CHD9: variants seen among roughly 807,000 people sequenced by gnomAD.
CHD9 encodes the protein chromodomain helicase DNA binding protein 9, also known as ATP-dependent chromatin remodeler CHD9.
In CHD9, 77 loss-of-function variants were observed where a neutral mutation model predicts 316.1. The observed-to-expected ratio is 0.24, with a 90% CI of 0.20 to 0.29. The LOEUF (loss-of-function observed/expected upper bound fraction) is 0.29, where lower values mean the gene tolerates loss of function less well. Among genes scored for constraint, CHD9 ranks in the 10% least tolerant of loss-of-function variants. CHD9 has a pLI of 1.00. For missense variants in CHD9, 2,763 were observed against 3,438.1 expected, an observed-to-expected ratio of 0.80 and a Z score of 4.91; for synonymous variants, 1,129 against 1,158.3, an observed-to-expected ratio of 0.97 and a Z score of 0.51.
At chr16:53,238,620 A>T in intron 12 of CHD9, 34 bp downstream of exon 12, 1 of 1,602,134 alleles carries the variant, frequency 6.2e-7, no homozygotes, top group Non-Finnish European at 8.5e-7. Context: ...GTTGTTTGAA[A>T]GGTCAGGGCT....
intron 24 of CHD9, among the ~76,000 whole-genome samples, chr16:53,277,845 T>A (rs1040167848): frequency 6.6e-5 from 10 of 152,102 alleles, no homozygotes; most frequent in African/African-American, 2.4e-4. Context: ...TATGATTGTA[T>A]ACCTAGAAAA....
chr16:53,056,734 T>G (rs2032171775), intron 1 of CHD9, among the ~76,000 whole-genome samples: 1 of 152,182 alleles, frequency 6.6e-6, no homozygotes, highest in Non-Finnish European at 1.5e-5. Context: ...GAAATACATT[T>G]ATTATTGAGA....
intron 1 of CHD9, among the ~76,000 whole-genome samples, chr16:53,095,465 C>A (rs897870476): frequency 5.9e-5 from 9 of 151,914 alleles, no homozygotes; most frequent in African/African-American, 1.9e-4. Flanking sequence ...AGGAGGATTG[C>A]TTGAGCCCAG....
intron 1 of CHD9, among the ~76,000 whole-genome samples, chr16:53,073,608 A>G (rs2034283736): frequency 6.6e-6 from 1 of 152,186 alleles, no homozygotes; most frequent in Non-Finnish European, 1.5e-5. Context: ...GGAGCGGCCC[A>G]GTTGGAGATA....
At chr16:53,238,035 T>C (rs901612794) in intron 11 of CHD9, among the ~76,000 whole-genome samples, 2 of 152,184 alleles carry the variant, frequency 1.3e-5, no homozygotes, top group Non-Finnish European at 1.5e-5. Flanking sequence ...TGTCCTGAGA[T>C]ACAGAAGGTA....
chr16:53,066,498 C>T (rs752759488), intron 1 of CHD9, among the ~76,000 whole-genome samples: 3 of 152,120 alleles, frequency 2.0e-5, no homozygotes, highest in Non-Finnish European at 4.4e-5. Flanking sequence ...TAAACACATA[C>T]GGAGAATCAG....
intron 3 of CHD9, among the ~76,000 whole-genome samples, chr16:53,222,003 A>C (rs2152904820): frequency 6.6e-6 from 1 of 152,260 alleles, no homozygotes; most frequent in South Asian, 2.1e-4. Flanking sequence ...AAGCCTAAAA[A>C]ACAAATAAGA....
chr16:53,089,916 G>A (rs758322007), intron 1 of CHD9, among the ~76,000 whole-genome samples: 10 of 152,228 alleles, frequency 6.6e-5, no homozygotes, highest in South Asian at 2.1e-4. Flanking sequence ...GGTCTTCCTC[G>A]TCCCAGAAAA....
intron 34 of CHD9, among the ~76,000 whole-genome samples, chr16:53,310,613 C>T (rs996873631): frequency 3.3e-5 from 5 of 151,088 alleles, no homozygotes; most frequent in East Asian, 1.9e-4. Flanking sequence ...TCTGGGAGGC[C>T]GAGGCAGGCG....
intron 32 of CHD9, among the ~76,000 whole-genome samples, 188 bp from the exon 33 acceptor site, chr16:53,307,493 C>G (rs2056090555): frequency 6.6e-6 from 1 of 152,064 alleles, no homozygotes; most frequent in Non-Finnish European, 1.5e-5. Context: ...TTTTGAACTT[C>G]ACCAAAGGGA....
rs2039153586 is a variant in CHD9 at position 53,130,093 on chromosome 16, A to C, written c.-164-25833A>C. Reference sequence around the variant, plus strand: ...TCGTAACTGTGCAATGGAGAACGGGAGCCTGAGCCTCGGGAAGACAGGGTT... The same window carrying C: ...TCGTAACTGTGCAATGGAGAACGGGCGCCTGAGCCTCGGGAAGACAGGGTT... On this transcript the variant is annotated intron_variant, in intron 1 of 38. Transcript: ENST00000447540. 2.6e-5 allele frequency among the ~76,000 whole-genome samples: 4 copies of C among 152,098 alleles called. 1 individual carries two copies. Among genetic ancestry groups the C allele is most frequent in the Admixed American group, 2.6e-4 (4 of 15,284 alleles).
chr16:53,094,682 C>T (rs2036236153), intron 1 of CHD9, among the ~76,000 whole-genome samples: 1 of 150,874 alleles, frequency 6.6e-6, no homozygotes, highest in Non-Finnish European at 1.5e-5. Flanking sequence ...CTCTGTCGCC[C>T]AGGCTGGAGT....
intron 2 of CHD9, among the ~76,000 whole-genome samples, chr16:53,188,065 A>G (rs571844684): frequency 1.3e-5 from 2 of 152,348 alleles, no homozygotes; most frequent in East Asian, 1.9e-4. Context: ...GGATTTGCCT[A>G]TTCTGAACAT....
intron 1 of CHD9, among the ~76,000 whole-genome samples, chr16:53,071,879 G>A (rs549050989): frequency 1.3e-5 from 2 of 152,166 alleles, no homozygotes; most frequent in African/African-American, 4.8e-5. Flanking sequence ...GCATTTCAAC[G>A]GCAGGCCTTT....
Position 53,157,169 on chromosome 16 carries a change from C to T in CHD9, c.1080C>T (p.Asn360=). The T allele has an allele frequency of 6.2e-7, 1 of 1,609,194 alleles. No individual in the cohort carries two copies. Residue 360 remains asparagine (N), a synonymous_variant, in exon 2 of 39, where the codon AAC becomes AAT. Transcript: ENST00000447540. Reference sequence around the variant, plus strand: ...CAAAATTATCTCCTGTGCACATGAACTTCCCAGATCCTGTTGACTCAGGAA... The same window carrying T: ...CAAAATTATCTCCTGTGCACATGAATTTCCCAGATCCTGTTGACTCAGGAA... ...SNSKLSPVHM[N]FPDPVDSGTQ...
chr16:53,207,878 G>A (rs891305332), intron 2 of CHD9: 2 of 181,196 alleles, frequency 1.1e-5, no homozygotes, highest in African/African-American at 4.8e-5. Context: ...ATGGAGGGAA[G>A]AACAGTCCAT....
chr16:53,064,444 G>A (rs1176141796), intron 1 of CHD9, among the ~76,000 whole-genome samples: 1 of 152,078 alleles, frequency 6.6e-6, no homozygotes, highest in Admixed American at 6.6e-5. Flanking sequence ...GGTGTGATTG[G>A]GGTGACTGAC....
chr16:53,324,947 T>G lies in CHD9; in HGVS notation c.*52T>G. On this transcript the variant is annotated 3_prime_UTR_variant, in exon 39 of 39. Transcript: ENST00000447540. ...AACTGATTTTGGATTTTTTCTTTAA[T>G]AATTAATTGTAAATACCCCAGTGTT... 7.0e-7 allele frequency: 1 copy of G among 1,423,918 alleles called. No individual in the cohort carries two copies. Among genetic ancestry groups the G allele is most frequent in the Non-Finnish European group, 9.4e-7 (1 of 1,067,968 alleles). 88.2% of individuals were successfully genotyped at this position (1,423,918 alleles called of 1,614,324 possible).
At chr16:53,095,084 C>T (rs188907995) in intron 1 of CHD9, among the ~76,000 whole-genome samples, 1 of 152,312 alleles carries the variant, frequency 6.6e-6, no homozygotes, top group East Asian at 1.9e-4. Context: ...ATAATACAGT[C>T]ACTCCACTGC....
Sources: gnomAD v4.1 joint callset for allele counts (sites outside exome capture counted in the v4.1 genomes callset) on GRCh38, gnomAD v4.1.1 for gene constraint, MANE v1.5 for transcripts, NCBI Gene and HGNC (gene_info 2026-07-23, HGNC 2026-07-21) for gene names.